Variants in GPC5 observed in about 807,000 individuals in gnomAD.
The protein encoded by GPC5 is glypican 5.
A neutral mutation model predicts 53.9 loss-of-function variants in GPC5; 47 were observed. The observed-to-expected ratio is 0.87, with a 90% CI of 0.69 to 1.11. The LOEUF is 1.11. Ranked by LOEUF, GPC5 falls within the 50% of genes most tolerant of loss-of-function variation. GPC5 has a pLI of 0.00. For missense variants in GPC5, 748 were observed against 713.1 expected (o/e 1.05, Z -0.56); for synonymous variants, 286 against 263.3 (o/e 1.09, Z -0.84).
intron 6 of GPC5, among the ~76,000 whole-genome samples, chr13:91,965,386 A>G (rs918696096): frequency 2.0e-5 from 3 of 152,160 alleles, no homozygotes; most frequent in African/African-American, 7.2e-5. Flanking sequence ...TTTTAACTTT[A>G]AATTGCTCAT....
chr13:92,123,952 T>G (rs2041672274), intron 6 of GPC5, among the ~76,000 whole-genome samples: 1 of 152,162 alleles, frequency 6.6e-6, no homozygotes, highest in African/African-American at 2.4e-5. Flanking sequence ...GCATTGAGTT[T>G]GCATATAGTT....
chr13:92,284,321 G>A (rs963686810), intron 7 of GPC5, among the ~76,000 whole-genome samples: 1 of 152,104 alleles, frequency 6.6e-6, no homozygotes, highest in Non-Finnish European at 1.5e-5. Context: ...ACAAGGAGGA[G>A]CTGGTTCCAT....
chr13:92,554,273 T>G (rs940063586), intron 7 of GPC5, among the ~76,000 whole-genome samples: 8 of 151,954 alleles, frequency 5.3e-5, no homozygotes, highest in Non-Finnish European at 8.8e-5. Flanking sequence ...CTCTTCTATC[T>G]ATAAACCACC....
intron 2 of GPC5, among the ~76,000 whole-genome samples, chr13:91,604,497 T>C (rs916056456): frequency 2.0e-4 from 30 of 149,204 alleles, no homozygotes; most frequent in Admixed American, 8.7e-4. Flanking sequence ...CAAATGGTTT[T>C]TCCAGTTCTA....
At chr13:91,826,110 A>G (rs1400818067) in intron 5 of GPC5, among the ~76,000 whole-genome samples, 1 of 151,888 alleles carries the variant, frequency 6.6e-6, no homozygotes, top group Non-Finnish European at 1.5e-5. Context: ...AGTTGAAAAT[A>G]ATAAAAAATA....
At chr13:92,840,633 TA>T (rs932206600) in intron 7 of GPC5, among the ~76,000 whole-genome samples, 1 of 152,070 alleles carries the variant, frequency 6.6e-6, no homozygotes, top group Non-Finnish European at 1.5e-5. Context: ...TCTATTTCTG[TA>T]AAAAAATGCC....
rs530022543 is a variant in GPC5 at position 91,863,346 on chromosome 13, A to G, written c.1281-44591A>G. ...TTTCTAGATTCTGTTATTTTACTTT[A>G]TGTTGCTTCTCCTAAAGGGGAATAG... On this transcript the variant is annotated intron_variant, in intron 5 of 7. Transcript: ENST00000377067. Among the ~76,000 whole-genome samples, 3 of 152,036 alleles carry G rather than the reference A, an allele frequency of 2.0e-5. No homozygotes were observed. The South Asian group carries it at 6.2e-4, about 32-fold the overall frequency.
intron 7 of GPC5, among the ~76,000 whole-genome samples, chr13:92,427,690 G>A (rs1876896343): frequency 6.6e-6 from 1 of 152,056 alleles, no homozygotes; most frequent in African/African-American, 2.4e-5. Context: ...ATTCCATTGA[G>A]TCAAGTGATC....
intron 7 of GPC5, among the ~76,000 whole-genome samples, chr13:92,504,219 T>C (rs1880285206): frequency 6.6e-6 from 1 of 151,930 alleles, no homozygotes; most frequent in African/African-American, 2.4e-5. Flanking sequence ...CATTTCTCTA[T>C]AGAAGCGAAG....
chr13:91,477,158 TTATATA>T (rs1004244326), intron 2 of GPC5, among the ~76,000 whole-genome samples: 1 of 151,846 alleles, frequency 6.6e-6, no homozygotes, highest in African/African-American at 2.4e-5. Flanking sequence ...TTTCTGCAGT[TTATATA>T]TATATATCTT....
chr13:92,013,039 T>G (rs2138778023), intron 6 of GPC5, among the ~76,000 whole-genome samples: 1 of 152,336 alleles, frequency 6.6e-6, no homozygotes, highest in South Asian at 2.1e-4. Context: ...ACATGCTGTC[T>G]TAGCTCTTCC....
chr13:91,594,998 AT>A (rs2032941913), intron 2 of GPC5, among the ~76,000 whole-genome samples: 1 of 25,008 alleles, frequency 4.0e-5, no homozygotes, highest in Non-Finnish European at 1.4e-4. Context: ...TTATTTATTT[AT>A]TTATTTATTT....
chr13:92,038,778 A>G (rs2040918385), intron 6 of GPC5, among the ~76,000 whole-genome samples: 1 of 152,086 alleles, frequency 6.6e-6, no homozygotes, highest in Admixed American at 6.6e-5. Flanking sequence ...TTGAAAAAGA[A>G]TGGGTTACCA....
intron 2 of GPC5, among the ~76,000 whole-genome samples, chr13:91,523,700 A>T (rs1023292456): frequency 2.0e-5 from 3 of 152,206 alleles, no homozygotes; most frequent in Admixed American, 6.5e-5. Flanking sequence ...ATTTGCTAAG[A>T]GAATAAACCT....
chr13:92,385,767 G>GTATATATGTA (rs1874672899), intron 7 of GPC5, among the ~76,000 whole-genome samples: 2 of 76,702 alleles, frequency 2.6e-5, no homozygotes, highest in East Asian at 3.5e-4. Flanking sequence ...ATATATATAC[G>GTATATATGTA]TATATATACA....
chr13:92,609,209 A>G (rs967357211), intron 7 of GPC5, among the ~76,000 whole-genome samples: 2 of 152,164 alleles, frequency 1.3e-5, no homozygotes, highest in Non-Finnish European at 2.9e-5. Flanking sequence ...TTGAAACCCT[A>G]GGAACAATAA....
At chr13:92,607,676 TTGTACATTATGTTTTCAAATA>T (rs1884299473) in intron 7 of GPC5, among the ~76,000 whole-genome samples, 1 of 152,180 alleles carries the variant, frequency 6.6e-6, no homozygotes, top group Admixed American at 6.5e-5. Context: ...TATATATATT[TTGTACATTATGTTTTCAAATA>T]TGTAAACATT....
At chr13:92,340,756 C>G (rs933478383) in intron 7 of GPC5, among the ~76,000 whole-genome samples, 2 of 152,178 alleles carry the variant, frequency 1.3e-5, no homozygotes, top group South Asian at 4.1e-4. Flanking sequence ...ACTGCTGTAG[C>G]TTTTAAAAGA....
chr13:91,953,097 T>C (rs2040042357), intron 6 of GPC5, among the ~76,000 whole-genome samples: 1 of 152,116 alleles, frequency 6.6e-6, no homozygotes. Flanking sequence ...GCAAATGGGA[T>C]GAGGAAAATT....
Sources: allele counts gnomAD v4.1 joint callset (sites outside exome capture counted in the v4.1 genomes callset), GRCh38; gene constraint gnomAD v4.1.1; transcripts MANE v1.5; gene names NCBI Gene and HGNC (gene_info 2026-07-23, HGNC 2026-07-21).